The following PCDHA5 variants were observed in gnomAD, a reference collection of about 807,000 sequenced individuals.
PCDHA5 encodes protocadherin alpha 5.
In PCDHA5, 43 loss-of-function variants were observed where a neutral mutation model predicts 61.6. That is an observed-to-expected ratio of 0.70 (90% CI 0.55 to 0.90). The LOEUF (loss-of-function observed/expected upper bound fraction) is 0.90. Among genes scored for constraint, PCDHA5 ranks in the 40% least tolerant of loss-of-function variants. The pLI is 0.00. For synonymous variants in PCDHA5, 627 were observed against 543.9 expected (o/e 1.15, Z -2.13); for missense variants, 1,298 against 1,222.7 (o/e 1.06, Z -0.92).
rs375103611 is a variant in PCDHA5 at position 140,888,367 on chromosome 5, A to G, written c.2352+64240A>G. ...AGGGAATTGCTACTGGCATCTAATAATGGAGCTCTGAGATGCTGCTAAACA... is the reference window on the plus strand; with the variant it reads ...AGGGAATTGCTACTGGCATCTAATAGTGGAGCTCTGAGATGCTGCTAAACA... On this transcript the variant is annotated intron_variant, in intron 1 of 3. Coordinates refer to ENST00000529859, the MANE Select transcript of PCDHA5 (RefSeq NM_018908.3). 3.2e-4 allele frequency among the ~76,000 whole-genome samples: 49 copies of G among 152,322 alleles called. 1 individual carries two copies. In the East Asian group the frequency reaches 7.7e-3, roughly 24 times the overall value.
intron 1 of PCDHA5, among the ~76,000 whole-genome samples, chr5:140,844,211 T>G (rs1162021656): frequency 2.0e-5 from 3 of 149,836 alleles, no homozygotes; most frequent in Admixed American, 6.7e-5. Context: ...TGTCTGGTAG[T>G]CACAAATATC....
At chr5:140,950,082 A>G (rs2094448240) in intron 1 of PCDHA5, among the ~76,000 whole-genome samples, 1 of 151,916 alleles carries the variant, frequency 6.6e-6, no homozygotes, top group South Asian at 2.1e-4. Flanking sequence ...TGCTTATGCT[A>G]TAGTTTTCAT....
intron 1 of PCDHA5, chr5:140,862,344 G>C (rs1303625702): frequency 3.0e-6 from 1 of 333,098 alleles, no homozygotes; most frequent in Non-Finnish European, 5.9e-6. Flanking sequence ...CCTAACTTCA[G>C]TGCCAAGGGA....
chr5:140,927,277 G>T, intron 1 of PCDHA5: 1 of 1,614,016 alleles, frequency 6.2e-7, no homozygotes, highest in Non-Finnish European at 8.5e-7. Context: ...TGCCGGCGAC[G>T]TGCAGCTGCA....
intron 3 of PCDHA5, among the ~76,000 whole-genome samples, chr5:140,999,166 A>G (rs2097849848): frequency 6.6e-6 from 1 of 152,190 alleles, no homozygotes; most frequent in South Asian, 2.1e-4. Context: ...CTAGAAGGAA[A>G]AGAGCCTGAT....
chr5:140,853,241 T>C (rs1032355023), intron 1 of PCDHA5: 4 of 978,568 alleles, frequency 4.1e-6, no homozygotes, highest in Admixed American at 6.3e-5. Context: ...TCCTTCATAT[T>C]AATCTCTATT....
intron 2 of PCDHA5, among the ~76,000 whole-genome samples, chr5:140,979,312 C>G (rs1419194517): frequency 1.3e-5 from 2 of 152,166 alleles, no homozygotes; most frequent in Admixed American, 6.5e-5. Flanking sequence ...CCCTCTCTAC[C>G]TATGCTTTCT....
intron 3 of PCDHA5, among the ~76,000 whole-genome samples, chr5:141,005,571 G>A (rs1053042213): frequency 4.0e-5 from 6 of 151,334 alleles, no homozygotes; most frequent in African/African-American, 4.9e-5. Context: ...GCATGGTGGC[G>A]CGTGCCTGTA....
chr5:140,821,759 A>T lies in PCDHA5; in HGVS notation c.-17A>T. Reference sequence around the variant, plus strand: ...GTGGTGATGCAATAGAAAGCTCATAATTGGAACGAGATTGAGATGGTATAT... The same window carrying T: ...GTGGTGATGCAATAGAAAGCTCATATTTGGAACGAGATTGAGATGGTATAT... On this transcript the variant is annotated 5_prime_UTR_variant, in exon 1 of 4. Coordinates refer to ENST00000529859, the MANE Select transcript of PCDHA5 (RefSeq NM_018908.3). The T allele has an allele frequency of 6.3e-7, 1 of 1,588,004 alleles. No homozygotes were observed. Among genetic ancestry groups the T allele is most frequent in the South Asian group, 1.1e-5 (1 of 87,044 alleles).
At position 140,852,693 on chromosome 5, in the gene PCDHA5, C is replaced by T. The variant is rs138488585; in HGVS notation, c.2352+28566C>T. 6.9e-4 allele frequency: 673 copies of T among 973,480 alleles called. 53 individuals carry two copies. Among genetic ancestry groups the T allele is most frequent in the African/African-American group, 2.3e-3 (127 of 56,176 alleles). The allele number at this position is 973,480 out of a possible 1,614,324, so 60.3% of individuals were successfully genotyped here. A position where few individuals can be genotyped will look rare whatever the true frequency, so the allele number is the denominator to read the frequency against. Reference sequence around the variant, plus strand: ...AACTCACCTTGAATATAGTCTTATACTTTCAAGTATCTTTGTCTTTGCACG... The same window carrying T: ...AACTCACCTTGAATATAGTCTTATATTTTCAAGTATCTTTGTCTTTGCACG... On this transcript the variant is annotated intron_variant, in intron 1 of 3. Transcript: ENST00000529859.
At position 140,823,264 on chromosome 5, in the gene PCDHA5, C is replaced by T. The variant is rs1052475502; in HGVS notation, c.1489C>T (p.Arg497Trp). The change falls in exon 1 of 4, where the codon CGG becomes TGG. Residue 497 changes from arginine (R) to tryptophan (W), a missense_variant. Physicochemically the swap from Arg to Trp is moderately radical, Grantham distance 101. Transcript: ENST00000529859. Reference sequence around the variant, plus strand: ...GGTGTCCTACTCGCTGGTGGAGCGGCGGGTGGGCGAGCGCCCGCTGTCGAG... The same window carrying T: ...GGTGTCCTACTCGCTGGTGGAGCGGTGGGTGGGCGAGCGCCCGCTGTCGAG... ...ALVSYSLVER[R>W]VGERPLSSYV... The T allele has an allele frequency of 6.2e-7, 1 of 1,612,910 alleles. No individual in the cohort carries two copies. Among genetic ancestry groups the T allele is most frequent in the Non-Finnish European group, 8.5e-7 (1 of 1,179,760 alleles).
chr5:140,954,487 A>T (rs1585567544), intron 1 of PCDHA5, among the ~76,000 whole-genome samples: 1 of 152,120 alleles, frequency 6.6e-6, no homozygotes, highest in African/African-American at 2.4e-5. Flanking sequence ...AAGATATTTC[A>T]TTGTGGTTTT....
intron 3 of PCDHA5, among the ~76,000 whole-genome samples, chr5:140,985,897 T>G (rs1037239723): frequency 1.3e-5 from 2 of 151,648 alleles, no homozygotes; most frequent in Non-Finnish European, 2.9e-5. Context: ...CCGCCACCAC[T>G]CCCGTCTAAT....
At chr5:140,948,752 C>T (rs246047) in intron 1 of PCDHA5, among the ~76,000 whole-genome samples, 85,413 of 151,184 alleles carry the variant, frequency 0.56, 24,715 homozygotes, top group African/African-American at 0.69. Context: ...ATCAATTTTG[C>T]TGATTTTTTT....
Position 140,979,960 on chromosome 5 carries a change from C to T in PCDHA5, c.2411+953C>T, listed in dbSNP as rs2096871601. 2.0e-5 allele frequency among the ~76,000 whole-genome samples: 3 copies of T among 152,266 alleles called. No homozygotes were observed. The South Asian group carries it at 6.2e-4, about 32-fold the overall frequency. ...AGAGTTAATGTGAAATTAGTTTTAG[C>T]CCATTAAAATGCATTAGATTGAAAT... On this transcript the variant is annotated intron_variant, in intron 2 of 3. Coordinates refer to ENST00000529859, the MANE Select transcript of PCDHA5 (RefSeq NM_018908.3).
chr5:140,967,985 A>G, intron 1 of PCDHA5: 3 of 1,614,218 alleles, frequency 1.9e-6, no homozygotes, highest in East Asian at 4.5e-5. Flanking sequence ...TCTGGAGGCC[A>G]CACTGCCTTT....
chr5:140,849,503 T>A lies in PCDHA5; in HGVS notation c.2352+25376T>A, dbSNP rs2150439338. The A allele has an allele frequency of 1.9e-6, 3 of 1,596,058 alleles. No homozygotes were observed. In the East Asian group the frequency reaches 6.7e-5, roughly 36 times the overall value. On this transcript the variant is annotated intron_variant, in intron 1 of 3. Transcript: ENST00000529859. ...CACCCCTGGCTGGTCATTGTACACT[T>A]CTTGTGGAAGTTGTGGATGTAAATG...
At chr5:140,969,109 T>C (rs782731369) in intron 1 of PCDHA5, 10 of 1,614,126 alleles carry the variant, frequency 6.2e-6, no homozygotes, top group Non-Finnish European at 8.5e-6. Flanking sequence ...TCATTGAAGT[T>C]CGAGGGAATG....
At chr5:140,933,618 G>T (rs2089270614) in intron 1 of PCDHA5, among the ~76,000 whole-genome samples, 1 of 151,904 alleles carries the variant, frequency 6.6e-6, no homozygotes, top group African/African-American at 2.4e-5. Flanking sequence ...TTCTTATTAG[G>T]TTAGGCTGGC....
Sources: allele counts gnomAD v4.1 joint callset (sites outside exome capture counted in the v4.1 genomes callset), GRCh38; gene constraint gnomAD v4.1.1; transcripts MANE v1.5; gene names NCBI Gene and HGNC (gene_info 2026-07-23, HGNC 2026-07-21).